The following CTNNA3 variants were observed in gnomAD, a reference collection of about 807,000 sequenced individuals.
The protein encoded by CTNNA3 is catenin alpha 3.
In CTNNA3, 76 loss-of-function variants were observed where a neutral mutation model predicts 95.7. The observed-to-expected ratio is 0.79, with a 90% CI of 0.66 to 0.96. CTNNA3 has a LOEUF of 0.96. Among genes scored for constraint, CTNNA3 ranks in the 40% least tolerant of loss-of-function variants. The pLI is 0.00. For missense variants in CTNNA3, 1,191 were observed against 1,089.8 expected, an observed-to-expected ratio of 1.09 and a Z score of -1.31; for synonymous variants, 431 against 374.4, an observed-to-expected ratio of 1.15 and a Z score of -1.74.
chr10:66,309,016 C>T (rs2091968310), intron 12 of CTNNA3, among the ~76,000 whole-genome samples: 2 of 152,128 alleles, frequency 1.3e-5, no homozygotes, highest in African/African-American at 4.8e-5. Flanking sequence ...TTCTACTTGG[C>T]CCATACTCTC....
intron 13 of CTNNA3, among the ~76,000 whole-genome samples, chr10:66,186,172 G>A (rs2086332468): frequency 6.6e-6 from 1 of 151,938 alleles, no homozygotes; most frequent in African/African-American, 2.4e-5. Context: ...CAATGGATAT[G>A]CTAATTACAC....
intron 7 of CTNNA3, among the ~76,000 whole-genome samples, chr10:66,945,453 G>A (rs891145744): frequency 1.3e-5 from 2 of 152,108 alleles, no homozygotes; most frequent in Non-Finnish European, 2.9e-5. Flanking sequence ...AGGATCTAGG[G>A]CTTTACTCTG....
intron 5 of CTNNA3, among the ~76,000 whole-genome samples, chr10:67,318,484 A>G (rs1176430007): frequency 6.6e-6 from 1 of 152,208 alleles, no homozygotes; most frequent in African/African-American, 2.4e-5. Flanking sequence ...TTTCCCCAGT[A>G]AAATGCACAC....
At chr10:66,694,094 C>T (rs1444879137) in intron 9 of CTNNA3, among the ~76,000 whole-genome samples, 2 of 151,946 alleles carry the variant, frequency 1.3e-5, no homozygotes. Context: ...TAGCAGAAGG[C>T]AAGAAATAAC....
chr10:67,116,451 TG>T (rs1181580249), intron 7 of CTNNA3, among the ~76,000 whole-genome samples: 2 of 151,956 alleles, frequency 1.3e-5, no homozygotes, highest in Non-Finnish European at 2.9e-5. Flanking sequence ...GTAGGGAGCC[TG>T]GGAACCAACT....
intron 5 of CTNNA3, among the ~76,000 whole-genome samples, chr10:67,446,300 G>A: frequency 6.6e-6 from 1 of 152,016 alleles, no homozygotes; most frequent in Non-Finnish European, 1.5e-5. Context: ...ACCCCTGACA[G>A]AACTTTCAAA....
chr10:66,642,356 G>A (rs1380737107), intron 9 of CTNNA3, among the ~76,000 whole-genome samples: 2 of 150,330 alleles, frequency 1.3e-5, no homozygotes, highest in Non-Finnish European at 3.0e-5. Flanking sequence ...ACATGACTAG[G>A]TCATTTAAAC....
intron 1 of CTNNA3, among the ~76,000 whole-genome samples, chr10:67,702,339 C>T (rs1339733974): frequency 6.6e-6 from 1 of 152,168 alleles, no homozygotes; most frequent in Non-Finnish European, 1.5e-5. Flanking sequence ...TTCAGCACCA[C>T]ACCACACCTA....
intron 9 of CTNNA3, among the ~76,000 whole-genome samples, chr10:66,688,556 G>A (rs1180864572): frequency 6.6e-6 from 1 of 152,088 alleles, no homozygotes; most frequent in Admixed American, 6.5e-5. Context: ...ATCTACAGTA[G>A]CCAATTCACC....
intron 10 of CTNNA3, among the ~76,000 whole-genome samples, chr10:66,599,851 A>G (rs917633961): frequency 2.0e-5 from 3 of 151,968 alleles, no homozygotes; most frequent in Non-Finnish European, 4.4e-5. Context: ...ACCACCAAAA[A>G]TATTCAATAG....
chr10:66,977,950 T>C (rs1398758943), intron 7 of CTNNA3, among the ~76,000 whole-genome samples: 3 of 152,030 alleles, frequency 2.0e-5, no homozygotes, highest in Non-Finnish European at 2.9e-5. Flanking sequence ...TTAGGAAAAA[T>C]GACACTTAGT....
At chr10:67,200,353 A>T (rs534061411) in intron 6 of CTNNA3, among the ~76,000 whole-genome samples, 1 of 152,300 alleles carries the variant, frequency 6.6e-6, no homozygotes, top group South Asian at 2.1e-4. Flanking sequence ...AAGAGAAGAG[A>T]ATCCAACTTC....
chr10:66,865,816 G>T (rs1163028116), intron 7 of CTNNA3, among the ~76,000 whole-genome samples: 1 of 151,876 alleles, frequency 6.6e-6, no homozygotes, highest in African/African-American at 2.4e-5. Flanking sequence ...CATAGAGATG[G>T]TATATTATTA....
At chr10:67,092,581 T>C (rs569769795) in intron 7 of CTNNA3, among the ~76,000 whole-genome samples, 1 of 152,112 alleles carries the variant, frequency 6.6e-6, no homozygotes, top group South Asian at 2.1e-4. Context: ...ATATTACTTA[T>C]ATAGTTAATA....
intron 5 of CTNNA3, among the ~76,000 whole-genome samples, chr10:67,324,754 T>C (rs1383175952): frequency 6.6e-6 from 1 of 151,878 alleles, no homozygotes; most frequent in South Asian, 2.1e-4. Flanking sequence ...GCTGGCCTCA[T>C]AGATGAGGTA....
At chr10:66,323,301 T>C (rs1466606989) in intron 12 of CTNNA3, among the ~76,000 whole-genome samples, 6 of 151,962 alleles carry the variant, frequency 3.9e-5, no homozygotes, top group Non-Finnish European at 8.8e-5. Flanking sequence ...ATATATTTTT[T>C]TAACATGCCA....
chr10:66,755,023 A>G (rs73307023), intron 9 of CTNNA3, among the ~76,000 whole-genome samples: 2,513 of 152,318 alleles, frequency 0.016, 76 homozygotes, highest in African/African-American at 0.057. Flanking sequence ...CATGTTCATC[A>G]GAATTATTCA....
At chr10:67,580,479 A>G (rs1487988739) in intron 3 of CTNNA3, among the ~76,000 whole-genome samples, 1 of 151,586 alleles carries the variant, frequency 6.6e-6, no homozygotes, top group East Asian at 1.9e-4. Context: ...TATAGTTTGA[A>G]GTCAGGTAGC....
At chr10:67,414,897 A>C (rs1275219182) in intron 5 of CTNNA3, among the ~76,000 whole-genome samples, 1 of 152,260 alleles carries the variant, frequency 6.6e-6, no homozygotes, top group Non-Finnish European at 1.5e-5. Context: ...CCACACAAAC[A>C]GAATCAAGAG....
Sources: gnomAD v4.1 joint callset for allele counts (sites outside exome capture counted in the v4.1 genomes callset) on GRCh38, gnomAD v4.1.1 for gene constraint, MANE v1.5 for transcripts, NCBI Gene and HGNC (gene_info 2026-07-23, HGNC 2026-07-21) for gene names.